The following NCAM1 variants were observed in gnomAD, a reference collection of about 807,000 sequenced individuals.
The protein encoded by NCAM1 is antigen recognized by monoclonal antibody 5.1H11.
In NCAM1, 14 loss-of-function variants were observed where a neutral mutation model predicts 109.8. The ratio of observed to expected loss-of-function variants is 0.13; its 90% CI spans 0.08 to 0.20. The LOEUF is 0.20. Among genes scored for constraint, NCAM1 ranks in the 10% least tolerant of loss-of-function variants. The probability of loss-of-function intolerance (pLI) is 1.00; values close to 1 mark genes in which losing one functional copy is unlikely to be tolerated. For missense variants in NCAM1, 774 were observed against 1,109.9 expected, an observed-to-expected ratio of 0.70 and a Z score of 4.30; for synonymous variants, 418 against 442.9, an observed-to-expected ratio of 0.94 and a Z score of 0.70.
chr11:113,225,652 G>T (rs1229942467), intron 9 of NCAM1, among the ~76,000 whole-genome samples: 1 of 152,174 alleles, frequency 6.6e-6, no homozygotes. Context: ...AAGTGGAAAT[G>T]AAGGAAAAAA....
At chr11:112,994,445 T>C (rs1951539846) in intron 1 of NCAM1, among the ~76,000 whole-genome samples, 1 of 152,232 alleles carries the variant, frequency 6.6e-6, no homozygotes, top group Non-Finnish European at 1.5e-5. Context: ...TAATGCAATC[T>C]AAGTGTGGAC....
intron 1 of NCAM1, among the ~76,000 whole-genome samples, chr11:113,120,849 G>C (rs1940924623): frequency 6.6e-6 from 1 of 152,200 alleles, no homozygotes; most frequent in Non-Finnish European, 1.5e-5. Flanking sequence ...GGGAAGGAGG[G>C]CAGCGAGGGC....
At chr11:113,255,844 G>T (rs782472487) in intron 15 of NCAM1, 33 bp from the exon 16 acceptor site, 1 of 1,609,326 alleles carries the variant, frequency 6.2e-7, no homozygotes, top group African/African-American at 1.3e-5. Context: ...TTCTGTGGAT[G>T]AGAATTTCAT....
Position 113,174,401 on chromosome 11 carries a change from A to G in NCAM1, c.53-27978A>G, listed in dbSNP as rs560939809. Among the ~76,000 whole-genome samples the G allele has an allele frequency of 2.0e-5, 3 of 152,344 alleles. No homozygotes were observed. The South Asian group carries it at 6.2e-4, about 32-fold the overall frequency. On this transcript the variant is annotated intron_variant, in intron 1 of 19. Coordinates refer to ENST00000316851, the MANE Select transcript of NCAM1 (RefSeq NM_181351.5). Reference sequence around the variant, plus strand: ...GTTGGTGCAAAAGTGCACAGGCACAAGTTTCTTTGTATATGGCAAAATAAA... The same window carrying G: ...GTTGGTGCAAAAGTGCACAGGCACAGGTTTCTTTGTATATGGCAAAATAAA...
chr11:113,195,229 T>G (rs1555110612), intron 1 of NCAM1, among the ~76,000 whole-genome samples: 1 of 152,206 alleles, frequency 6.6e-6, no homozygotes, highest in African/African-American at 2.4e-5. Context: ...AACAGTAGCT[T>G]AAGCTGGAAC....
Position 113,262,471 on chromosome 11 carries a change from T to G in NCAM1, c.2131+2148T>G, listed in dbSNP as rs569400551. On this transcript the variant is annotated intron_variant, in intron 17 of 19. Transcript: ENST00000316851. The stretch of plus-strand genomic sequence containing the variant: ...TTTTAGCGTGGAGGCTTCTGTTCTC[T>G]CACTTTAATTTCATTTGCTCGCTGA... 3.3e-5 allele frequency among the ~76,000 whole-genome samples: 5 copies of G among 152,362 alleles called. No homozygotes were observed. The South Asian group carries it at 1.0e-3, about 32-fold the overall frequency.
intron 7 of NCAM1, among the ~76,000 whole-genome samples, chr11:113,209,092 C>T (rs1438430168): frequency 2.6e-5 from 4 of 152,182 alleles, no homozygotes; most frequent in Non-Finnish European, 2.9e-5. Flanking sequence ...AGTCTCTCCG[C>T]GTGTCTGTTT....
chr11:113,200,674 C>G (rs1054474637), intron 1 of NCAM1, among the ~76,000 whole-genome samples: 1 of 152,130 alleles, frequency 6.6e-6, no homozygotes. Context: ...CCCCTTTGGG[C>G]TCTCACAGTG....
intron 18 of NCAM1, 45 bp from the exon 19 acceptor site, chr11:113,271,715 C>A: frequency 6.9e-7 from 1 of 1,455,206 alleles, no homozygotes; most frequent in South Asian, 1.3e-5. Context: ...GGGAGCCCCT[C>A]CCTGCAGCTG....
intron 3 of NCAM1, 123 bp from the exon 4 acceptor site, chr11:113,205,400 A>G (rs1232305943): frequency 7.7e-7 from 1 of 1,292,300 alleles, no homozygotes; most frequent in East Asian, 2.7e-5. Flanking sequence ...TGCCCCTCTT[A>G]TACAACTGTA....
rs1315611519 is a variant in NCAM1, at chr11:113,271,637, C to T, written c.2340-123C>T. The T allele has an allele frequency of 1.4e-5, 9 of 629,452 alleles. No individual in the cohort carries two copies. In the South Asian group the frequency reaches 1.5e-4, roughly 10 times the overall value. The allele number at this position is 629,452 out of a possible 1,614,324, so 39.0% of individuals were successfully genotyped here. A position where few individuals can be genotyped will look rare whatever the true frequency, so the allele number is the denominator to read the frequency against. On this transcript the variant is annotated intron_variant, in intron 18 of 19. Coordinates refer to ENST00000316851, the MANE Select transcript of NCAM1 (RefSeq NM_181351.5). ...AGCAAGGGTTGGGCTGAGACTTATA[C>T]ATTTGAATCTGTTGGCTCTGGATGC...
At position 113,099,468 on chromosome 11, in the gene NCAM1, G is replaced by A. The variant is rs118051284; in HGVS notation, c.53-102911G>A. Among the ~76,000 whole-genome samples the A allele has an allele frequency of 6.9e-3, 1,051 of 152,230 alleles. 4 individuals carry two copies. Among genetic ancestry groups the A allele is most frequent in the Middle Eastern group, 0.014 (4 of 294 alleles). ...ATTCGCCATATGCTTTCCTGGACCAGTAGCTAGAATAAACTCATTGTTTAT... is the reference window on the plus strand; with the variant it reads ...ATTCGCCATATGCTTTCCTGGACCAATAGCTAGAATAAACTCATTGTTTAT... On this transcript the variant is annotated intron_variant, in intron 1 of 19. Transcript: ENST00000316851.
At position 112,961,559 on chromosome 11, in the gene NCAM1, G is replaced by GT. The variant is rs782605842; in HGVS notation, c.-54_-53insT. On this transcript the variant is annotated 5_prime_UTR_variant, in exon 1 of 20. Transcript: ENST00000316851. The stretch of plus-strand genomic sequence containing the variant: ...CCGCCGTCCACACTCGCTGCAGGGG[G>GT]GGGGGCACAGAATTTACCGCGGCAA... The GT allele has an allele frequency of 9.7e-6, 11 of 1,136,848 alleles. No individual in the cohort carries two copies. The South Asian group carries it at 9.9e-5, about 10-fold the overall frequency. The allele number at this position is 1,136,848 out of a possible 1,614,324, so 70.4% of individuals were successfully genotyped here.
Position 112,962,474 on chromosome 11 carries a change from G to T in NCAM1, c.52+810G>T, listed in dbSNP as rs1281193258. 6.6e-6 allele frequency among the ~76,000 whole-genome samples: 1 copy of T among 152,064 alleles called. No homozygotes were observed. The highest frequency in any genetic ancestry group is 6.5e-5 in the Admixed American group (1 of 15,286). Reference sequence around the variant, plus strand: ...CGTGTGCGCGCGTGTGTCTTTACACGCGCCGCGTGCCCAGTGTTGCACGGG... The same window carrying T: ...CGTGTGCGCGCGTGTGTCTTTACACTCGCCGCGTGCCCAGTGTTGCACGGG... On this transcript the variant is annotated intron_variant, in intron 1 of 19. Transcript: ENST00000316851. This position sits in a 1 kb window ranked among gnomAD's most constrained non-coding sequence, Gnocchi z 5.6.
chr11:113,207,685 T>C, intron 6 of NCAM1, 148 bp from the exon 7 acceptor site: 1 of 815,342 alleles, frequency 1.2e-6, no homozygotes, highest in Non-Finnish European at 1.9e-6. Flanking sequence ...GAGGTGTATG[T>C]GGACGTTCAA....
In NCAM1 at chr11:113,273,587, A is replaced by G; in HGVS notation, c.2457-1680A>G. 2 of 433,242 alleles carry G rather than the reference A, an allele frequency of 4.6e-6. No homozygotes were observed. Among genetic ancestry groups the G allele is most frequent in the South Asian group, 1.6e-5 (1 of 61,942 alleles). The allele number at this position is 433,242 out of a possible 1,614,324, so 26.8% of individuals were successfully genotyped here. ...ACCCTTCCCAGGGCGAGGACTTTAA[A>G]ATGGACGAAGGGAACTTCAAGACCC... is the stretch of plus-strand genomic sequence containing the variant. On this transcript the variant is annotated intron_variant, in intron 19 of 19. Transcript: ENST00000316851. This position sits in a 1 kb window ranked among gnomAD's most constrained non-coding sequence, Gnocchi z 6.0.
intron 1 of NCAM1, among the ~76,000 whole-genome samples, chr11:113,068,213 A>G (rs1335532752): frequency 6.6e-6 from 1 of 152,064 alleles, no homozygotes; most frequent in Non-Finnish European, 1.5e-5. Flanking sequence ...GCCGGGCCTC[A>G]TATACCAAGT....
At position 113,242,843 on chromosome 11, in the gene NCAM1, G is replaced by A. The variant is rs376509355; in HGVS notation, c.1826-3525G>A. The A allele has an allele frequency of 1.4e-5, 23 of 1,613,962 alleles. No individual in the cohort carries two copies. In the African/African-American group the frequency reaches 2.0e-4, roughly 14 times the overall value. ...TCCTGCCCTTGCAACCACAGAACCA[G>A]CTAGTGAGTACAGGGCTGAGTTGCT... On this transcript the variant is annotated intron_variant, in intron 14 of 19. Coordinates refer to ENST00000316851, the MANE Select transcript of NCAM1 (RefSeq NM_181351.5).
intron 15 of NCAM1, among the ~76,000 whole-genome samples, chr11:113,252,057 T>C (rs868927319): frequency 4.4e-4 from 67 of 152,332 alleles, no homozygotes; most frequent in African/African-American, 1.4e-3. Context: ...TCACAGCAAG[T>C]TACAGAGCCA....
Sources: gnomAD v4.1 joint callset for allele counts (sites outside exome capture counted in the v4.1 genomes callset) on GRCh38, gnomAD v4.1.1 for gene constraint, Gnocchi (gnomAD v3.1) non-coding constraint, MANE v1.5 for transcripts, NCBI Gene and HGNC (gene_info 2026-07-23, HGNC 2026-07-21) for gene names.